The following TMEM126B variants were observed in gnomAD, a reference collection of about 807,000 sequenced individuals.
TMEM126B encodes the protein complex I assembly factor TMEM126B, mitochondrial.
In TMEM126B, 19 loss-of-function variants were observed where a neutral mutation model predicts 16.5. The ratio of observed to expected loss-of-function variants is 1.15; its 90% CI spans 0.80 to 1.69. TMEM126B has a LOEUF of 1.69. TMEM126B is among the 40% of genes most tolerant of loss of function. The pLI, the probability that TMEM126B is intolerant of heterozygous loss-of-function variation, is 0.00. For synonymous variants in TMEM126B, 104 were observed against 93.2 expected, an observed-to-expected ratio of 1.12 and a Z score of -0.67; for missense variants, 293 against 278.7, an observed-to-expected ratio of 1.05 and a Z score of -0.37.
chr11:85,629,946 A>G (rs999940859), intron 1 of TMEM126B, among the ~76,000 whole-genome samples: 29 of 152,198 alleles, frequency 1.9e-4, no homozygotes, highest in African/African-American at 7.0e-4. Flanking sequence ...AGAGAAAGAA[A>G]CTGGTCCATT....
chr11:85,635,821 C>CTTTTTTTTTTTTTTTT (rs58671332), intron 4 of TMEM126B, 43 bp downstream of exon 4: 68 of 869,598 alleles, frequency 7.8e-5, no homozygotes, highest in Middle Eastern at 7.6e-4. Flanking sequence ...CTTTTCTTTT[C>CTTTTTTTTTTTTTTTT]TTTTTTTTTT....
At chr11:85,629,638 TGGA>T (rs1196465451) in intron 1 of TMEM126B, among the ~76,000 whole-genome samples, 1 of 152,140 alleles carries the variant, frequency 6.6e-6, no homozygotes, top group Non-Finnish European at 1.5e-5. Flanking sequence ...TGGTGGAAGG[TGGA>T]GGATTTCAAT....
chr11:85,633,239 T>G (rs1023471644), intron 2 of TMEM126B, among the ~76,000 whole-genome samples: 6 of 152,208 alleles, frequency 3.9e-5, no homozygotes, highest in Non-Finnish European at 7.3e-5. Flanking sequence ...TCTTTGCTAT[T>G]GTGAATAGTG....
In TMEM126B at chr11:85,628,597, G is replaced by T; in HGVS notation, c.-11G>T. 6.5e-7 allele frequency: 1 copy of T among 1,527,726 alleles called. No homozygotes were observed. The highest frequency in any genetic ancestry group is 1.2e-5 in the South Asian group (1 of 84,022). 94.6% of individuals were successfully genotyped at this position (1,527,726 alleles called of 1,614,324 possible). A position where few individuals can be genotyped will look rare whatever the true frequency, so the allele number is the denominator to read the frequency against. ...GTCCCCGCCCACCGGCAAGTCACAT[G>T]AGCCACCAAAATGGTGGTGTTCGGG... On this transcript the variant is annotated 5_prime_UTR_variant, in exon 1 of 5. The change abolishes an upstream ATG in the 5' untranslated region. Coordinates refer to ENST00000358867, the MANE Select transcript of TMEM126B (RefSeq NM_018480.7).
At chr11:85,629,297 A>C (rs927000569) in intron 1 of TMEM126B, 1 of 1,185,602 alleles carries the variant, frequency 8.4e-7, no homozygotes, top group Non-Finnish European at 1.1e-6. Context: ...ATTTATTATT[A>C]GGTAAAATAA....
At chr11:85,631,652 A>G in intron 1 of TMEM126B, 35 bp from the exon 2 acceptor site, 4 of 1,585,730 alleles carry the variant, frequency 2.5e-6, no homozygotes, top group Non-Finnish European at 2.6e-6. Flanking sequence ...TATGAATATC[A>G]TTAGCTATTA....
At position 85,631,820 on chromosome 11, in the gene TMEM126B, G is replaced by C. The variant is rs754437170; in HGVS notation, c.203+12G>C. On this transcript the variant is annotated intron_variant, in intron 2 of 4. Coordinates refer to ENST00000358867, the MANE Select transcript of TMEM126B (RefSeq NM_018480.7). ...CTTAGAAAAGAAATGTAAGAGAAAT[G>C]CCCAGGCTGAAAATCAGTCATTTTA... is the stretch of plus-strand genomic sequence containing the variant. The C allele has an allele frequency of 6.3e-7, 1 of 1,586,160 alleles. No homozygotes were observed. The highest frequency in any genetic ancestry group is 8.5e-7 in the Non-Finnish European group (1 of 1,173,524).
chr11:85,634,203 T>A lies in TMEM126B; in HGVS notation c.321T>A (p.Tyr107Ter), dbSNP rs765534400. Reference protein sequence around the residue: ...FKVKHDALKTYASLATLPFLS... With the variant: ...FKVKHDALKT ...TTAAACATGATGCTTTGAAGACATA[T>A]GCATCATTGGCTACACTTCCATTTT... Residue 107 changes from tyrosine to a stop codon, truncating the protein, a stop_gained, in exon 3 of 5, where the codon TAT (tyrosine) becomes TAA (stop). Transcript: ENST00000358867. LOFTEE classifies it high-confidence loss of function. 6.2e-7 allele frequency: 1 copy of A among 1,613,516 alleles called. No homozygotes were observed. The highest frequency in any genetic ancestry group is 8.5e-7 in the Non-Finnish European group (1 of 1,179,536).
intron 2 of TMEM126B, among the ~76,000 whole-genome samples, chr11:85,633,121 A>G (rs531078781): frequency 2.0e-5 from 3 of 152,350 alleles, no homozygotes; most frequent in African/African-American, 7.2e-5. Flanking sequence ...GTCCCTACAA[A>G]GGACATGAAC....
At chr11:85,635,430 T>C (rs1033794864) in intron 3 of TMEM126B, among the ~76,000 whole-genome samples, 7 of 152,184 alleles carry the variant, frequency 4.6e-5, no homozygotes, top group African/African-American at 1.4e-4. Context: ...AAAATAAAAT[T>C]GCTTCTACAA....
chr11:85,631,566 C>T, intron 1 of TMEM126B, 121 bp from the exon 2 acceptor site: 10 of 1,143,094 alleles, frequency 8.7e-6, no homozygotes, highest in Non-Finnish European at 1.2e-5. Context: ...AAGCAGACGA[C>T]ACAGTACCTG....
At chr11:85,633,560 T>C (rs1400743401) in intron 2 of TMEM126B, among the ~76,000 whole-genome samples, 2 of 152,232 alleles carry the variant, frequency 1.3e-5, no homozygotes, top group African/African-American at 4.8e-5. Context: ...CCAGTGATGG[T>C]GAGCATTTTT....
intron 1 of TMEM126B, chr11:85,631,096 C>G (rs1306223883): frequency 7.9e-7 from 1 of 1,263,338 alleles, no homozygotes; most frequent in Non-Finnish European, 1.0e-6. Flanking sequence ...TCTGATTTTT[C>G]TCTCTCACTA....
intron 3 of TMEM126B, chr11:85,634,564 A>AT (rs2082364792): frequency 3.6e-6 from 1 of 278,790 alleles, no homozygotes. Flanking sequence ...AACGCACATC[A>AT]TTTCAGTATG....
At position 85,629,079 on chromosome 11, in the gene TMEM126B, G is replaced by C. The variant is rs942682097; in HGVS notation, c.81+391G>C. 3.2e-5 allele frequency: 18 copies of C among 556,830 alleles called. No homozygotes were observed. The Admixed American group carries it at 3.7e-4, about 12-fold the overall frequency. The allele number at this position is 556,830 out of a possible 1,614,324, so 34.5% of individuals were successfully genotyped here. ...GGCTAGATTGTTTGCTTTTTCTTAG[G>C]TTGTTGGGTTTTTCGTTTATGTCAC... is the stretch of plus-strand genomic sequence containing the variant. On this transcript the variant is annotated intron_variant, in intron 1 of 4. Coordinates refer to ENST00000358867, the MANE Select transcript of TMEM126B (RefSeq NM_018480.7).
intron 2 of TMEM126B, among the ~76,000 whole-genome samples, chr11:85,633,279 T>G (rs1238438556): frequency 1.3e-5 from 2 of 152,190 alleles, no homozygotes; most frequent in African/African-American, 4.8e-5. Flanking sequence ...GCATGTGTCT[T>G]TATAGCAGCA....
chr11:85,633,510 T>C (rs1035204082), intron 2 of TMEM126B, among the ~76,000 whole-genome samples: 3 of 152,256 alleles, frequency 2.0e-5, no homozygotes, highest in African/African-American at 7.2e-5. Context: ...TCATGTGAGA[T>C]GGTATCTCAT....
At position 85,634,298 on chromosome 11, in the gene TMEM126B, A is replaced by T; in HGVS notation, c.397+19A>T. Reference sequence around the variant, plus strand: ...TATTCAGGTGAATTTAAATTCACTAATGTATAACGTAGTTATGTCTAAGTA... The same window carrying T: ...TATTCAGGTGAATTTAAATTCACTATTGTATAACGTAGTTATGTCTAAGTA... On this transcript the variant is annotated intron_variant, in intron 3 of 4. Transcript: ENST00000358867. 6.3e-7 allele frequency: 1 copy of T among 1,577,432 alleles called. No homozygotes were observed. Among genetic ancestry groups the T allele is most frequent in the Non-Finnish European group, 8.7e-7 (1 of 1,149,236 alleles).
intron 3 of TMEM126B, 132 bp from the exon 4 acceptor site, chr11:85,635,535 T>C: frequency 1.7e-6 from 1 of 576,918 alleles, no homozygotes. Flanking sequence ...GCCACAGAGT[T>C]TGAATTTCTA....
Sources: allele counts gnomAD v4.1 joint callset (sites outside exome capture counted in the v4.1 genomes callset), GRCh38; gene constraint gnomAD v4.1.1; transcripts MANE v1.5; gene names NCBI Gene and HGNC (gene_info 2026-07-23, HGNC 2026-07-21).